ZNF33A: variants seen among roughly 807,000 people sequenced by gnomAD.
ZNF33A encodes brain my041 protein.
A neutral mutation model predicts 15.9 loss-of-function variants in ZNF33A; 9 were observed. The ratio of observed to expected loss-of-function variants is 0.57; its 90% CI spans 0.34 to 0.99. The LOEUF is 0.99. Ranked by LOEUF, ZNF33A falls within the 50% of genes least tolerant of loss-of-function variation. The pLI, the probability that ZNF33A is intolerant of heterozygous loss-of-function variation, is 0.02. For synonymous variants in ZNF33A, 294 were observed against 324.2 expected, an observed-to-expected ratio of 0.91 and a Z score of 1.00; for missense variants, 843 against 941.6, an observed-to-expected ratio of 0.90 and a Z score of 1.37.
At chr10:38,049,743 CA>C (rs200229620) in intron 4 of ZNF33A, among the ~76,000 whole-genome samples, 2 of 151,576 alleles carry the variant, frequency 1.3e-5, no homozygotes, top group South Asian at 4.2e-4. Context: ...AAGGAAATAA[CA>C]AAAAACAAAA....
chr10:38,051,327 T>C (rs1316063699), intron 4 of ZNF33A, among the ~76,000 whole-genome samples: 1 of 152,164 alleles, frequency 6.6e-6, no homozygotes, highest in African/African-American at 2.4e-5. Flanking sequence ...TTTTAACTTT[T>C]ATTGTGCAAC....
chr10:38,054,251 T>C (rs1260570564), intron 4 of ZNF33A, 124 bp from the exon 5 acceptor site: 1 of 1,021,182 alleles, frequency 9.8e-7, no homozygotes, highest in East Asian at 2.8e-5. Flanking sequence ...CTTGCAATTA[T>C]GTTCATCTCT....
In ZNF33A at chr10:38,055,110, T is replaced by C; in HGVS notation, c.986T>C (p.Phe329Ser). Reference protein sequence around the residue: ...LQKGDKGEKHFECNECGKAFW... With the variant: ...LQKGDKGEKHSECNECGKAFW... The stretch of plus-strand genomic sequence containing the variant: ...AAAGGTGATAAAGGAGAGAAACACT[T>C]TGAATGTAATGAATGTGGGAAAGCT... Residue 329 changes from phenylalanine (F) to serine (S), a missense_variant, in exon 5 of 5, where the codon TTT becomes TCT. Physicochemically the swap from Phe to Ser is radical, Grantham distance 155. Transcript: ENST00000432900. 6.2e-7 allele frequency: 1 copy of C among 1,614,076 alleles called. No individual in the cohort carries two copies.
chr10:38,035,100 C>T (rs1263289126), intron 4 of ZNF33A, among the ~76,000 whole-genome samples: 3 of 146,246 alleles, frequency 2.1e-5, no homozygotes, highest in Non-Finnish European at 4.5e-5. Flanking sequence ...CATCCATCAT[C>T]CATTTACTTT....
At chr10:38,021,645 G>T (rs1275646905) in intron 4 of ZNF33A, among the ~76,000 whole-genome samples, 1 of 149,822 alleles carries the variant, frequency 6.7e-6, no homozygotes, top group African/African-American at 2.5e-5. Context: ...AAAAAGAAAA[G>T]AAAAAAAAAG....
intron 4 of ZNF33A, among the ~76,000 whole-genome samples, chr10:38,022,253 T>C (rs2064779345): frequency 6.6e-6 from 1 of 152,116 alleles, no homozygotes; most frequent in African/African-American, 2.4e-5. Flanking sequence ...ATTTAAAATA[T>C]AGAATGAGAT....
intron 2 of ZNF33A, among the ~76,000 whole-genome samples, chr10:38,012,822 G>C (rs1420476262): frequency 1.3e-5 from 2 of 152,176 alleles, no homozygotes; most frequent in African/African-American, 4.8e-5. Context: ...GCAGGGCCAA[G>C]TTAGAGTCAA....
At chr10:38,011,591 C>G (rs1432080734) in intron 1 of ZNF33A, among the ~76,000 whole-genome samples, 1 of 151,964 alleles carries the variant, frequency 6.6e-6, no homozygotes, top group Non-Finnish European at 1.5e-5. Context: ...AAAACAAAAA[C>G]AAAGAATTAC....
intron 4 of ZNF33A, among the ~76,000 whole-genome samples, chr10:38,025,535 C>T (rs1458136781): frequency 6.6e-6 from 1 of 152,224 alleles, no homozygotes; most frequent in Non-Finnish European, 1.5e-5. Flanking sequence ...TGTGAATATG[C>T]AGTGGCCTTC....
At chr10:38,022,409 C>T (rs2064788069) in intron 4 of ZNF33A, among the ~76,000 whole-genome samples, 1 of 152,036 alleles carries the variant, frequency 6.6e-6, no homozygotes, top group South Asian at 2.1e-4. Flanking sequence ...GTTATTCCAA[C>T]ACTTTGGGAG....
At chr10:38,044,928 A>G (rs1457907236) in intron 4 of ZNF33A, among the ~76,000 whole-genome samples, 4 of 152,118 alleles carry the variant, frequency 2.6e-5, no homozygotes, top group Non-Finnish European at 5.9e-5. Context: ...TCGACCTCCC[A>G]AAGTACTGGG....
chr10:38,056,589 C>T lies in ZNF33A; in HGVS notation c.*29C>T, dbSNP rs753682464. On this transcript the variant is annotated 3_prime_UTR_variant, in exon 5 of 5. Transcript: ENST00000432900. Reference sequence around the variant, plus strand: ...TCCACAAACTCACCTTATGTTACTCCAAAGTAATAGTAGGGGATAAACCCA... The same window carrying T: ...TCCACAAACTCACCTTATGTTACTCTAAAGTAATAGTAGGGGATAAACCCA... 2.0e-6 allele frequency: 3 copies of T among 1,530,940 alleles called. No homozygotes were observed. The Admixed American group carries it at 6.5e-5, about 33-fold the overall frequency. 94.8% of individuals were successfully genotyped at this position (1,530,940 alleles called of 1,614,324 possible).
chr10:38,021,654 A>AT (rs1564838881), intron 4 of ZNF33A, among the ~76,000 whole-genome samples: 1 of 152,168 alleles, frequency 6.6e-6, no homozygotes, highest in Non-Finnish European at 1.5e-5. Context: ...AGAAAAAAAA[A>AT]GAGTAGTGCC....
At chr10:38,041,046 T>A (rs2065674877) in intron 4 of ZNF33A, among the ~76,000 whole-genome samples, 1 of 152,250 alleles carries the variant, frequency 6.6e-6, no homozygotes, top group African/African-American at 2.4e-5. Context: ...TCTGCCATTT[T>A]TGTTTTCGGT....
chr10:38,039,396 G>A (rs1370558727), intron 4 of ZNF33A: 13 of 435,112 alleles, frequency 3.0e-5, no homozygotes, highest in African/African-American at 1.5e-4. Context: ...CTAATTTTTT[G>A]TGTTTTTTTT....
rs534709896 is a variant in ZNF33A at position 38,035,263 on chromosome 10, G to A, written c.250+17877G>A. ...TTCTCAAGTAGCCGGGACTACAGGT[G>A]CATACCACAATGCCCAGCCAATTTT... is the stretch of plus-strand genomic sequence containing the variant. On this transcript the variant is annotated intron_variant, in intron 4 of 4. Transcript: ENST00000432900. Among the ~76,000 whole-genome samples the A allele has an allele frequency of 2.6e-5, 4 of 151,912 alleles. No homozygotes were observed. In the South Asian group the frequency reaches 8.3e-4, roughly 32 times the overall value.
In ZNF33A at chr10:38,054,806, C is replaced by G; in HGVS notation, c.682C>G (p.Leu228Val). The G allele has an allele frequency of 1.9e-6, 3 of 1,613,500 alleles. No homozygotes were observed. Among genetic ancestry groups the G allele is most frequent in the Non-Finnish European group, 2.5e-6 (3 of 1,179,948 alleles). ...TGAATACAGTATATGTCAGGAAACC[C>G]TCCTTGAAAAGGCAGTATTCAATAC... ...NFEYSICQET[L>V]LEKAVFNTQK... Residue 228 changes from leucine (L) to valine (V), a missense_variant, in exon 5 of 5, where the codon CTC (leucine) becomes GTC (valine). Transcript: ENST00000432900.
intron 2 of ZNF33A, among the ~76,000 whole-genome samples, chr10:38,014,440 A>G (rs12413083): frequency 0.17 from 25,539 of 152,100 alleles, 2,337 homozygotes; most frequent in East Asian, 0.4. Flanking sequence ...GACTTTTCCT[A>G]CTTCAAGGTT....
chr10:38,029,921 A>G (rs1590557715), intron 4 of ZNF33A, among the ~76,000 whole-genome samples: 1 of 152,198 alleles, frequency 6.6e-6, no homozygotes, highest in Non-Finnish European at 1.5e-5. Context: ...AGAAAGGGAA[A>G]GAAAAATTTT....
Sources: gnomAD v4.1 joint callset for allele counts (sites outside exome capture counted in the v4.1 genomes callset) on GRCh38, gnomAD v4.1.1 for gene constraint, MANE v1.5 for transcripts, NCBI Gene and HGNC (gene_info 2026-07-23, HGNC 2026-07-21) for gene names.